The following TOM1L2 variants were observed in gnomAD, a reference collection of about 807,000 sequenced individuals.
The protein encoded by TOM1L2 is TOM1-like protein 2.
TOM1L2 carries 31 observed loss-of-function variants against 67.9 expected under a neutral mutation model. That is an observed-to-expected ratio of 0.46 (90% CI 0.34 to 0.62). The LOEUF (loss-of-function observed/expected upper bound fraction) is 0.62. Among genes scored for constraint, TOM1L2 ranks in the 20% least tolerant of loss-of-function variants. TOM1L2 has a pLI of 0.01. For missense variants in TOM1L2, 606 were observed against 663.5 expected (o/e 0.91, Z 0.95); for synonymous variants, 256 against 254.0 (o/e 1.01, Z -0.07).
intron 12 of TOM1L2, among the ~76,000 whole-genome samples, chr17:17,852,410 C>T (rs1298260710): frequency 6.6e-6 from 1 of 152,232 alleles, no homozygotes; most frequent in Non-Finnish European, 1.5e-5. Context: ...CCTCAGTGAG[C>T]TCAGCTGGCC....
intron 1 of TOM1L2, among the ~76,000 whole-genome samples, chr17:17,910,382 G>A (rs2039291832): frequency 6.6e-6 from 1 of 152,182 alleles, no homozygotes; most frequent in African/African-American, 2.4e-5. Context: ...CTTGGCAGTA[G>A]TGCAATGCAT....
chr17:17,876,562 A>G (rs1465769525), intron 7 of TOM1L2, among the ~76,000 whole-genome samples: 6 of 152,190 alleles, frequency 3.9e-5, no homozygotes, highest in Non-Finnish European at 8.8e-5. Context: ...CCTTAGATCA[A>G]TGTGTGAAAG....
intron 1 of TOM1L2, among the ~76,000 whole-genome samples, chr17:17,952,331 G>A (rs1223940401): frequency 2.7e-5 from 4 of 147,558 alleles, no homozygotes; most frequent in Middle Eastern, 3.8e-3. Context: ...GTTGGGCTGA[G>A]AAATTAAGGG....
chr17:17,919,519 T>A (rs1265355132), intron 1 of TOM1L2, among the ~76,000 whole-genome samples: 2 of 152,162 alleles, frequency 1.3e-5, no homozygotes, highest in Non-Finnish European at 2.9e-5. Context: ...ACCTGTAGGG[T>A]AAAGGAGCAG....
intron 1 of TOM1L2, among the ~76,000 whole-genome samples, chr17:17,961,824 A>G (rs2041690487): frequency 6.7e-6 from 1 of 149,546 alleles, no homozygotes; most frequent in South Asian, 2.1e-4. Context: ...GTGAGCAGAG[A>G]TTGCACCACT....
intron 1 of TOM1L2, among the ~76,000 whole-genome samples, chr17:17,921,625 C>T (rs1244792149): frequency 6.6e-6 from 1 of 151,996 alleles, no homozygotes; most frequent in Non-Finnish European, 1.5e-5. Flanking sequence ...CAGCTTGTCC[C>T]AGCCTAGCAG....
At chr17:17,848,792 G>C in intron 14 of TOM1L2, 31 bp downstream of exon 14, 1 of 1,613,398 alleles carries the variant, frequency 6.2e-7, no homozygotes, top group Non-Finnish European at 8.5e-7. Context: ...GGCAACAAAA[G>C]GGGGCTGTAA....
chr17:17,966,872 T>G lies in TOM1L2; in HGVS notation c.52+5390A>C, dbSNP rs1027533260. ...TATCTTCCTGTATATCTCACAAGGT[T>G]GTGAACACTAAATAAAATGACTGAA... On this transcript the variant is annotated intron_variant, in intron 1 of 14. Coordinates refer to ENST00000379504, the MANE Select transcript of TOM1L2 (RefSeq NM_001082968.2). Among the ~76,000 whole-genome samples the G allele has an allele frequency of 7.9e-5, 12 of 152,228 alleles. No individual in the cohort carries two copies. The South Asian group carries it at 2.5e-3, about 31-fold the overall frequency.
At chr17:17,949,179 C>T (rs931013512) in intron 1 of TOM1L2, among the ~76,000 whole-genome samples, 2 of 152,174 alleles carry the variant, frequency 1.3e-5, no homozygotes, top group Admixed American at 6.5e-5. Flanking sequence ...ATTCTTGCCA[C>T]CTGCCATTAA....
chr17:17,882,534 A>G (rs1481575087), intron 6 of TOM1L2, among the ~76,000 whole-genome samples, 171 bp downstream of exon 6: 1 of 152,032 alleles, frequency 6.6e-6, no homozygotes, highest in East Asian at 1.9e-4. Flanking sequence ...CCTGACCACA[A>G]TCCATCATGA....
intron 1 of TOM1L2, among the ~76,000 whole-genome samples, chr17:17,971,169 A>T (rs2042060543): frequency 6.6e-6 from 1 of 152,178 alleles, no homozygotes; most frequent in Non-Finnish European, 1.5e-5. Flanking sequence ...CAGCTTTGGT[A>T]AACTTAATAT....
intron 1 of TOM1L2, among the ~76,000 whole-genome samples, chr17:17,919,258 G>C (rs2039753564): frequency 6.6e-6 from 1 of 152,188 alleles, no homozygotes; most frequent in African/African-American, 2.4e-5. Context: ...CTAATACAGA[G>C]GACCTTTCCT....
intron 4 of TOM1L2, among the ~76,000 whole-genome samples, chr17:17,891,739 G>A (rs551598972): frequency 1.8e-4 from 28 of 152,060 alleles, no homozygotes; most frequent in African/African-American, 6.5e-4. Context: ...AGAAGGAAGG[G>A]CTGTGGTAGA....
At chr17:17,856,863 G>A (rs186795198) in intron 12 of TOM1L2, among the ~76,000 whole-genome samples, 1 of 152,200 alleles carries the variant, frequency 6.6e-6, no homozygotes, top group Non-Finnish European at 1.5e-5. Context: ...CAGGTCTGTG[G>A]GCCAGGAAAG....
chr17:17,907,328 C>A, intron 2 of TOM1L2, 119 bp downstream of exon 2: 1 of 855,006 alleles, frequency 1.2e-6, no homozygotes. Context: ...TATTCGATGC[C>A]AAACCAAACA....
At chr17:17,929,519 T>C (rs2040239246) in intron 1 of TOM1L2, among the ~76,000 whole-genome samples, 1 of 152,030 alleles carries the variant, frequency 6.6e-6, no homozygotes, top group Non-Finnish European at 1.5e-5. Context: ...TAATCCCAGC[T>C]ACTCAGGAGG....
intron 10 of TOM1L2, among the ~76,000 whole-genome samples, chr17:17,863,632 C>T (rs2036684214): frequency 6.7e-6 from 1 of 149,488 alleles, no homozygotes; most frequent in African/African-American, 2.5e-5. Context: ...TCACTTTAGC[C>T]TTGACCTCCC....
chr17:17,881,372 C>T (rs1424738269), intron 6 of TOM1L2, among the ~76,000 whole-genome samples: 1 of 152,154 alleles, frequency 6.6e-6, no homozygotes, highest in Non-Finnish European at 1.5e-5. Context: ...GGCAACATGC[C>T]TCAGGGCTCC....
At chr17:17,928,862 A>T (rs2040207925) in intron 1 of TOM1L2, among the ~76,000 whole-genome samples, 1 of 152,126 alleles carries the variant, frequency 6.6e-6, no homozygotes, top group Admixed American at 6.5e-5. Flanking sequence ...CCTCAGTATC[A>T]GAGAACAATG....
Sources: allele counts gnomAD v4.1 joint callset (sites outside exome capture counted in the v4.1 genomes callset), GRCh38; gene constraint gnomAD v4.1.1; transcripts MANE v1.5; gene names NCBI Gene and HGNC (gene_info 2026-07-23, HGNC 2026-07-21).